The following EHMT1 variants were observed in gnomAD, a reference collection of about 807,000 sequenced individuals.
EHMT1 encodes euchromatic histone lysine methyltransferase 1.
EHMT1 carries 15 observed loss-of-function variants against 147.2 expected under a neutral mutation model. The observed-to-expected ratio is 0.10, with a 90% CI of 0.07 to 0.16. The LOEUF is 0.16. Among genes scored for constraint, EHMT1 ranks in the 10% least tolerant of loss-of-function variants. The pLI, the probability that EHMT1 is intolerant of heterozygous loss-of-function variation, is 1.00. For missense variants in EHMT1, 1,587 were observed against 1,772.4 expected (o/e 0.90, Z 1.88); for synonymous variants, 795 against 709.6 (o/e 1.12, Z -1.91).
At chr9:137,803,218 T>A in intron 18 of EHMT1, 1 of 1,153,064 alleles carries the variant, frequency 8.7e-7, no homozygotes, top group Non-Finnish European at 1.1e-6. Context: ...CTTCATTAAT[T>A]TAACCACTTT....
At chr9:137,691,809 G>C (rs1470487859) in intron 1 of EHMT1, among the ~76,000 whole-genome samples, 1 of 152,154 alleles carries the variant, frequency 6.6e-6, no homozygotes, top group African/African-American at 2.4e-5. Flanking sequence ...TGGGTGTGAA[G>C]TGGCCTCTTG....
intron 4 of EHMT1, among the ~76,000 whole-genome samples, chr9:137,740,039 G>A (rs970353560): frequency 6.6e-6 from 1 of 152,130 alleles, no homozygotes; most frequent in Non-Finnish European, 1.5e-5. Flanking sequence ...TGTGTTTCCC[G>A]TGCACTTGCT....
intron 1 of EHMT1, among the ~76,000 whole-genome samples, chr9:137,641,788 T>A (rs1441279821): frequency 6.6e-6 from 1 of 152,018 alleles, no homozygotes; most frequent in Non-Finnish European, 1.5e-5. Context: ...CCCAAGGGCC[T>A]CCTTGCTCAT....
At chr9:137,708,938 C>A (rs940362639) in intron 1 of EHMT1, among the ~76,000 whole-genome samples, 1 of 152,220 alleles carries the variant, frequency 6.6e-6, no homozygotes, top group Admixed American at 6.5e-5. Context: ...CTGCCTGCCC[C>A]CTTCCTCTGA....
At chr9:137,771,677 G>A (rs1258825917) in intron 10 of EHMT1, among the ~76,000 whole-genome samples, 4 of 138,462 alleles carry the variant, frequency 2.9e-5, no homozygotes, top group African/African-American at 1.0e-4. Context: ...GGGTCTTACC[G>A]AGGAGACCGG....
At chr9:137,762,942 G>A in intron 10 of EHMT1, 122 bp downstream of exon 10, 1 of 1,323,610 alleles carries the variant, frequency 7.6e-7, no homozygotes, top group Non-Finnish European at 1.1e-6. Flanking sequence ...GAGCCTGAGT[G>A]GATTCTGCGC....
intron 1 of EHMT1, among the ~76,000 whole-genome samples, chr9:137,699,705 G>T (rs1460274952): frequency 6.7e-6 from 1 of 150,180 alleles, no homozygotes; most frequent in Non-Finnish European, 1.5e-5. Context: ...AAAGATGTTG[G>T]CCTGGCACAG....
At chr9:137,799,775 T>A (rs1953293763) in intron 17 of EHMT1, among the ~76,000 whole-genome samples, 1 of 152,268 alleles carries the variant, frequency 6.6e-6, no homozygotes, top group Non-Finnish European at 1.5e-5. Flanking sequence ...CCCCATGGGC[T>A]GGAAGCAGCA....
intron 1 of EHMT1, among the ~76,000 whole-genome samples, chr9:137,638,589 T>A (rs1453156035): frequency 1.3e-5 from 2 of 152,212 alleles, no homozygotes; most frequent in Non-Finnish European, 2.9e-5. Flanking sequence ...TGTTATAGAA[T>A]AAATTGCATT....
intron 1 of EHMT1, among the ~76,000 whole-genome samples, chr9:137,653,380 G>T (rs1390734148): frequency 2.0e-5 from 3 of 152,176 alleles, no homozygotes; most frequent in Non-Finnish European, 4.4e-5. Flanking sequence ...AGGTTTGTGT[G>T]AGTACAGTCT....
chr9:137,627,148 A>C (rs182112691), intron 1 of EHMT1, among the ~76,000 whole-genome samples: 87 of 151,840 alleles, frequency 5.7e-4, no homozygotes, highest in African/African-American at 1.9e-3. Context: ...TGGTAGAGAC[A>C]GGGTTTCACC....
At chr9:137,641,275 C>T in intron 1 of EHMT1, 1 of 432,744 alleles carries the variant, frequency 2.3e-6, no homozygotes, top group Non-Finnish European at 4.6e-6. Flanking sequence ...TCCAGATTTC[C>T]ATTTGATTTC....
intron 10 of EHMT1, among the ~76,000 whole-genome samples, chr9:137,767,818 A>G (rs992380434): frequency 1.3e-5 from 2 of 151,800 alleles, no homozygotes; most frequent in Non-Finnish European, 2.9e-5. Flanking sequence ...ATCTCAAATT[A>G]AAAAAAAATT....
At chr9:137,805,140 ATG>A (rs1211654354) in intron 18 of EHMT1, among the ~76,000 whole-genome samples, 9 of 151,338 alleles carry the variant, frequency 5.9e-5, no homozygotes, top group East Asian at 1.9e-4. Flanking sequence ...TCTCATCCGC[ATG>A]TGTGAGTCCA....
intron 17 of EHMT1, 139 bp downstream of exon 17, chr9:137,799,053 C>G (rs558272238): frequency 8.0e-6 from 5 of 627,730 alleles, no homozygotes; most frequent in Admixed American, 5.1e-5. Flanking sequence ...CTCCAGCGTC[C>G]TCTTCCACAC....
At chr9:137,719,223 C>CT (rs1945681442) in intron 3 of EHMT1, among the ~76,000 whole-genome samples, 1 of 152,022 alleles carries the variant, frequency 6.6e-6, no homozygotes, top group South Asian at 2.1e-4. Context: ...TCAGATTTAG[C>CT]TTTTTCCCCC....
At chr9:137,729,063 G>A (rs1946870392) in intron 4 of EHMT1, among the ~76,000 whole-genome samples, 1 of 152,156 alleles carries the variant, frequency 6.6e-6, no homozygotes, top group African/African-American at 2.4e-5. Context: ...GAGGGCACCG[G>A]GACCTCAGAG....
chr9:137,813,061 C>T lies in EHMT1; in HGVS notation c.2923C>T (p.Pro975Ser). The change falls in exon 20 of 27, where the codon CCC becomes TCC. Residue 975 changes from proline to serine, a missense_variant. Pro to Ser is a moderately conservative substitution (Grantham distance 74). Transcript: ENST00000460843. The surrounding 1 kb of genome is among the most constrained non-coding windows in gnomAD (Gnocchi z 4.9). ...VTLKNKEGET[P>S]LQCASLNSQV... Reference sequence around the variant, plus strand: ...CTTAAAGAACAAGGAAGGAGAGACGCCCCTGCAGTGTGCGAGCCTCAACTC... The same window carrying T: ...CTTAAAGAACAAGGAAGGAGAGACGTCCCTGCAGTGTGCGAGCCTCAACTC... 6.2e-7 allele frequency: 1 copy of T among 1,613,958 alleles called. No homozygotes were observed. The highest frequency in any genetic ancestry group is 8.5e-7 in the Non-Finnish European group (1 of 1,180,036).
chr9:137,682,073 C>T (rs1044019114), intron 1 of EHMT1, among the ~76,000 whole-genome samples: 4 of 152,062 alleles, frequency 2.6e-5, no homozygotes, highest in African/African-American at 4.8e-5. Flanking sequence ...GCCTCAGCCT[C>T]CCGAGTAGCT....
Sources: gnomAD v4.1 joint callset for allele counts (sites outside exome capture counted in the v4.1 genomes callset) on GRCh38, gnomAD v4.1.1 for gene constraint, Gnocchi (gnomAD v3.1) non-coding constraint, MANE v1.5 for transcripts, NCBI Gene and HGNC (gene_info 2026-07-23, HGNC 2026-07-21) for gene names.